Variants in POTEE observed in about 807,000 individuals in gnomAD.
The protein encoded by POTEE is POTE ankyrin domain family member E, also known as ANKRD26-like family C member 1A.
Under a neutral mutation model 74.2 loss-of-function variants are expected in POTEE, and 21 were observed. The observed-to-expected ratio is 0.28, with a 90% CI of 0.20 to 0.41. The LOEUF (loss-of-function observed/expected upper bound fraction) is 0.41. POTEE is among the 10% of genes least tolerant of loss of function. POTEE has a pLI of 1.00. For synonymous variants in POTEE, 211 were observed against 432.8 expected, an observed-to-expected ratio of 0.49 and a Z score of 6.36; for missense variants, 525 against 1,158.6, an observed-to-expected ratio of 0.45 and a Z score of 7.94.
At chr2:131,220,050 A>T (rs1433267314) in intron 4 of POTEE, among the ~76,000 whole-genome samples, 3 of 151,428 alleles carry the variant, frequency 2.0e-5, no homozygotes, top group Non-Finnish European at 4.4e-5. Context: ...TTATTTGAAA[A>T]AGATGGATTG....
intron 8 of POTEE, among the ~76,000 whole-genome samples, chr2:131,228,824 C>G (rs1373681039): frequency 1.4e-5 from 2 of 145,940 alleles, no homozygotes; most frequent in Non-Finnish European, 2.9e-5. Context: ...AAGACAGTCC[C>G]TTTTATCAAG....
rs1401549955 is a variant in POTEE, at chr2:131,263,766, A to G, written c.2311A>G (p.Met771Val). The G allele has an allele frequency of 3.1e-6, 5 of 1,612,808 alleles. No homozygotes were observed. In the Admixed American group the frequency reaches 5.0e-5, roughly 16 times the overall value. Residue 771 changes from methionine (M) to valine (V), a missense_variant, in exon 18 of 18, where the codon ATG becomes GTG. Physicochemically the swap from Met to Val is conservative, Grantham distance 21. Coordinates refer to ENST00000683005, the MANE Select transcript of POTEE (RefSeq NM_001083538.3). ...AGGCATCCTGACCCTGAAGTACCCC[A>G]TGGAACACGGCATCATCACCAACTG... ...KRGILTLKYPMEHGIITNWDD... is the reference protein window; with the variant it reads ...KRGILTLKYPVEHGIITNWDD...
chr2:131,218,335 G>C lies in POTEE; in HGVS notation c.-68G>C. ...ATTGGAAACCCGGAGTTACCTGCTA[G>C]TTGGTGAAACTGGTTGGTAGACGCG... On this transcript the variant is annotated 5_prime_UTR_variant, in exon 4 of 18. Coordinates refer to ENST00000683005, the MANE Select transcript of POTEE (RefSeq NM_001083538.3). 1.9e-6 allele frequency: 3 copies of C among 1,602,524 alleles called. No individual in the cohort carries two copies. The highest frequency in any genetic ancestry group is 2.2e-5 in the South Asian group (2 of 89,648).
At chr2:131,230,239 G>C (rs1357515699) in intron 8 of POTEE, among the ~76,000 whole-genome samples, 1 of 152,042 alleles carries the variant, frequency 6.6e-6, no homozygotes, top group South Asian at 2.1e-4. Flanking sequence ...ATAAAGAGTA[G>C]GACAACTAAG....
chr2:131,221,374 T>C (rs1341128639), intron 4 of POTEE, among the ~76,000 whole-genome samples: 1 of 152,232 alleles, frequency 6.6e-6, no homozygotes, highest in East Asian at 1.9e-4. Context: ...GTTACACATA[T>C]ACACGAACAG....
chr2:131,261,202 C>T (rs1308349885), intron 16 of POTEE, among the ~76,000 whole-genome samples: 2 of 150,544 alleles, frequency 1.3e-5, no homozygotes, highest in African/African-American at 4.9e-5. Flanking sequence ...GCATTACCGC[C>T]CGAGCTCCTC....
chr2:131,230,761 T>G (rs1273660885), intron 8 of POTEE, 75 bp from the exon 9 acceptor site: 137 of 1,537,592 alleles, frequency 8.9e-5, no homozygotes, highest in Middle Eastern at 2.3e-4. Flanking sequence ...ATACTCTTAA[T>G]AATTCTACAT....
chr2:131,217,587 A>G lies in POTEE; in HGVS notation c.-188-2A>G, dbSNP rs1309405493. On this transcript the variant is annotated splice_acceptor_variant, in intron 2 of 17. Coordinates refer to ENST00000683005, the MANE Select transcript of POTEE (RefSeq NM_001083538.3). LOFTEE classifies it low-confidence loss of function (5UTR_SPLICE). ...TTAAGAGGCTTTTTTTTTTTTCACCAGAGGCTTCTCAGTGGCTTGAAAGCT... is the reference window on the plus strand; with the variant it reads ...TTAAGAGGCTTTTTTTTTTTTCACCGGAGGCTTCTCAGTGGCTTGAAAGCT... Among the ~76,000 whole-genome samples, 1 of 145,228 alleles carries G rather than the reference A, an allele frequency of 6.9e-6. No homozygotes were observed. The highest frequency in any genetic ancestry group is 1.5e-5 in the Non-Finnish European group (1 of 66,254).
At chr2:131,224,888 TCTG>T (rs1240304377) in intron 6 of POTEE, among the ~76,000 whole-genome samples, 2 of 152,104 alleles carry the variant, frequency 1.3e-5, no homozygotes, top group Non-Finnish European at 2.9e-5. Flanking sequence ...GAGTCTCAGC[TCTG>T]CTTTCAAATC....
At chr2:131,219,834 T>G (rs995349403) in intron 4 of POTEE, among the ~76,000 whole-genome samples, 1 of 152,184 alleles carries the variant, frequency 6.6e-6, no homozygotes, top group African/African-American at 2.4e-5. Context: ...TTACACATGC[T>G]GTCTTTTATT....
At chr2:131,262,845 G>C (rs1399106218) in intron 17 of POTEE, among the ~76,000 whole-genome samples, 3 of 152,272 alleles carry the variant, frequency 2.0e-5, no homozygotes, top group African/African-American at 7.2e-5. Context: ...TAGAATATCG[G>C]TAAAACGTTC....
chr2:131,222,406 T>C (rs1328042992), intron 4 of POTEE, among the ~76,000 whole-genome samples: 3 of 151,690 alleles, frequency 2.0e-5, no homozygotes, highest in Admixed American at 6.6e-5. Context: ...TGGGGCCTAT[T>C]ACAGGGTGAA....
chr2:131,211,856 A>AT (rs113726255), intron 2 of POTEE, among the ~76,000 whole-genome samples: 2,090 of 148,758 alleles, frequency 0.014, 62 homozygotes, highest in African/African-American at 0.049. Context: ...ACTCCCGGTC[A>AT]TTTTTTCCTT....
At chr2:131,225,435 C>G (rs1700751596) in intron 6 of POTEE, among the ~76,000 whole-genome samples, 1 of 150,286 alleles carries the variant, frequency 6.7e-6, no homozygotes. Context: ...GGATACACTC[C>G]TGCTTAAGAA....
chr2:131,216,620 G>A (rs986140794), intron 2 of POTEE, among the ~76,000 whole-genome samples: 3 of 151,332 alleles, frequency 2.0e-5, no homozygotes, highest in Non-Finnish European at 4.4e-5. Flanking sequence ...ACACATAAAG[G>A]TATTTATAGC....
rs1458915659 is a variant in POTEE, at chr2:131,221,301, TAC to T, written c.522-2293_522-2292del. On this transcript the variant is annotated intron_variant, in intron 4 of 17. Transcript: ENST00000683005. Reference sequence around the variant, plus strand: ...TGTAACTATTGAGGTTGTCAGTAGATACAGAGATATGTCGACATGCAAAGATG... The same window carrying T: ...TGTAACTATTGAGGTTGTCAGTAGATAGAGATATGTCGACATGCAAAGATG... Among the ~76,000 whole-genome samples the T allele has an allele frequency of 6.6e-5, 10 of 152,214 alleles. No individual in the cohort carries two copies. In the East Asian group the frequency reaches 1.9e-3, roughly 29 times the overall value.
At chr2:131,232,602 A>G (rs1360666515) in intron 9 of POTEE, among the ~76,000 whole-genome samples, 2 of 148,528 alleles carry the variant, frequency 1.3e-5, no homozygotes, top group African/African-American at 5.2e-5. Flanking sequence ...ATACTATAGA[A>G]ATGAGTAGGT....
intron 5 of POTEE, 27 bp downstream of exon 5, chr2:131,223,737 T>G: frequency 6.2e-7 from 1 of 1,610,202 alleles, no homozygotes; most frequent in Non-Finnish European, 8.5e-7. Context: ...TATATCAGCA[T>G]GAGGTGGGTT....
At chr2:131,262,720 G>A (rs1317844533) in intron 17 of POTEE, among the ~76,000 whole-genome samples, 1 of 152,250 alleles carries the variant, frequency 6.6e-6, no homozygotes, top group Non-Finnish European at 1.5e-5. Flanking sequence ...AGTATTATAT[G>A]TAGAAGAGCA....
Sources: allele counts gnomAD v4.1 joint callset (sites outside exome capture counted in the v4.1 genomes callset), GRCh38; gene constraint gnomAD v4.1.1; transcripts MANE v1.5; gene names NCBI Gene and HGNC (gene_info 2026-07-23, HGNC 2026-07-21).